The following TMEM170B variants were observed in gnomAD, a reference collection of about 807,000 sequenced individuals.
TMEM170B encodes transmembrane protein 170B.
Under a neutral mutation model 13.0 loss-of-function variants are expected in TMEM170B, and 6 were observed. The observed-to-expected ratio is 0.46, with a 90% CI of 0.25 to 0.91. The LOEUF is 0.91. Ranked by LOEUF, TMEM170B falls within the 40% of genes least tolerant of loss-of-function variation. The pLI, the probability that TMEM170B is intolerant of heterozygous loss-of-function variation, is 0.17. For missense variants in TMEM170B, 138 were observed against 165.2 expected (o/e 0.84, Z 0.90); for synonymous variants, 61 against 64.9 (o/e 0.94, Z 0.29).
intron 1 of TMEM170B, among the ~76,000 whole-genome samples, chr6:11,540,611 T>G (rs114384124): frequency 3.9e-5 from 6 of 152,342 alleles, no homozygotes; most frequent in Admixed American, 6.5e-5. Context: ...AAGTCATCCA[T>G]GAGGAATGGA....
chr6:11,559,372 A>AT (rs1759631127), intron 1 of TMEM170B, among the ~76,000 whole-genome samples: 1 of 151,592 alleles, frequency 6.6e-6, no homozygotes, highest in East Asian at 1.9e-4. Flanking sequence ...TAATTTTTTA[A>AT]TTTTTTGTAG....
rs1471885794 is a variant in TMEM170B at position 11,582,303 on chromosome 6, T to C, written c.*6742T>C. 1 of 152,236 alleles carries C rather than the reference T, an allele frequency of 6.6e-6. No homozygotes were observed. The highest frequency in any genetic ancestry group is 6.5e-5 in the Admixed American group (1 of 15,284). 9.4% of individuals were successfully genotyped at this position (152,236 alleles called of 1,614,324 possible). The stretch of plus-strand genomic sequence containing the variant: ...TCACAGGCAGATTTTAAAAGCTAAA[T>C]GAAGCCTTAGTGCCTTGAAAGTTAA... On this transcript the variant is annotated 3_prime_UTR_variant, in exon 3 of 3. Coordinates refer to ENST00000379426, the MANE Select transcript of TMEM170B (RefSeq NM_001100829.3).
chr6:11,541,637 T>C (rs1582136550), intron 1 of TMEM170B, among the ~76,000 whole-genome samples: 1 of 152,246 alleles, frequency 6.6e-6, no homozygotes, highest in East Asian at 1.9e-4. Context: ...TGTAACACTT[T>C]TAATTTCCTT....
At chr6:11,567,115 T>C (rs1031488140) in intron 2 of TMEM170B, among the ~76,000 whole-genome samples, 1 of 152,188 alleles carries the variant, frequency 6.6e-6, no homozygotes, top group African/African-American at 2.4e-5. Context: ...GGGGCAGCCC[T>C]CTCCTGCCCC....
At chr6:11,539,293 G>A (rs758671178) in intron 1 of TMEM170B, among the ~76,000 whole-genome samples, 29 of 152,116 alleles carry the variant, frequency 1.9e-4, no homozygotes, top group Admixed American at 5.2e-4. Flanking sequence ...CTGCTTTTCA[G>A]AGGAAAAAAA....
chr6:11,567,358 T>C (rs1457456451), intron 2 of TMEM170B, among the ~76,000 whole-genome samples: 1 of 152,256 alleles, frequency 6.6e-6, no homozygotes. Flanking sequence ...AGCTCACTGC[T>C]ACCACTGGAT....
intron 1 of TMEM170B, among the ~76,000 whole-genome samples, chr6:11,545,443 C>G (rs1437365440): frequency 6.6e-6 from 1 of 152,046 alleles, no homozygotes; most frequent in Non-Finnish European, 1.5e-5. Context: ...TGCCATGTAA[C>G]TTTCCAGTCA....
At chr6:11,568,434 TA>T (rs1759762290) in intron 2 of TMEM170B, among the ~76,000 whole-genome samples, 2 of 152,102 alleles carry the variant, frequency 1.3e-5, no homozygotes, top group Non-Finnish European at 2.9e-5. Context: ...TATGTGTATA[TA>T]TATATATGTA....
intron 1 of TMEM170B, among the ~76,000 whole-genome samples, chr6:11,555,800 G>A (rs1349255645): frequency 6.6e-6 from 1 of 152,164 alleles, no homozygotes; most frequent in East Asian, 1.9e-4. Flanking sequence ...TCTCAACAGT[G>A]AGTTGTTTTT....
intron 1 of TMEM170B, among the ~76,000 whole-genome samples, chr6:11,555,705 A>T (rs976280276): frequency 1.3e-5 from 2 of 152,212 alleles, no homozygotes; most frequent in African/African-American, 4.8e-5. Context: ...ACTTTAACAT[A>T]TTAACAATAA....
intron 1 of TMEM170B, among the ~76,000 whole-genome samples, chr6:11,559,016 T>C (rs1346685078): frequency 6.6e-6 from 1 of 152,104 alleles, no homozygotes; most frequent in Non-Finnish European, 1.5e-5. Flanking sequence ...TATTTTTGGC[T>C]TCATGGGCCA....
Position 11,575,047 on chromosome 6 carries a change from C to G in TMEM170B, c.269-384C>G, listed in dbSNP as rs1001198377. 6.6e-6 allele frequency among the ~76,000 whole-genome samples: 1 copy of G among 151,998 alleles called. No homozygotes were observed. The highest frequency in any genetic ancestry group is 1.5e-5 in the Non-Finnish European group (1 of 67,958). On this transcript the variant is annotated intron_variant, in intron 2 of 2. Transcript: ENST00000379426. This position sits in a 1 kb window ranked among gnomAD's most constrained non-coding sequence, Gnocchi z 4.1. ...AAATTATGTTATTTTTCTGCATTAT[C>G]ACTTGTAATTATCAGTATGTTATAC...
chr6:11,540,819 G>T (rs189680500), intron 1 of TMEM170B, among the ~76,000 whole-genome samples: 2 of 152,274 alleles, frequency 1.3e-5, no homozygotes, highest in African/African-American at 2.4e-5. Context: ...AATAAGACTA[G>T]AAAGTCAAAA....
intron 1 of TMEM170B, among the ~76,000 whole-genome samples, chr6:11,546,634 T>C (rs982268065): frequency 3.9e-5 from 6 of 152,172 alleles, no homozygotes; most frequent in African/African-American, 1.2e-4. Flanking sequence ...CTGAACTTTT[T>C]TATGTTTAGA....
chr6:11,565,323 T>A (rs116569593), intron 1 of TMEM170B, among the ~76,000 whole-genome samples: 221 of 152,294 alleles, frequency 1.5e-3, no homozygotes, highest in Non-Finnish European at 1.0e-3. Context: ...AATAAAAAAT[T>A]CTATTTCAAA....
intron 1 of TMEM170B, among the ~76,000 whole-genome samples, chr6:11,560,407 C>T (rs1347414137): frequency 2.0e-5 from 3 of 150,388 alleles, no homozygotes; most frequent in Non-Finnish European, 4.4e-5. Flanking sequence ...CTCCTGACCT[C>T]ATGATCCACC....
At chr6:11,550,590 A>G (rs551924324) in intron 1 of TMEM170B, among the ~76,000 whole-genome samples, 1 of 152,310 alleles carries the variant, frequency 6.6e-6, no homozygotes, top group African/African-American at 2.4e-5. Flanking sequence ...TCCTTCTTAG[A>G]AATTTTACTT....
chr6:11,569,859 C>A (rs764677508), intron 2 of TMEM170B, among the ~76,000 whole-genome samples: 1 of 151,764 alleles, frequency 6.6e-6, no homozygotes, highest in Non-Finnish European at 1.5e-5. Flanking sequence ...GAACTCTATT[C>A]TGATTCATTG....
chr6:11,569,943 T>C (rs772063654), intron 2 of TMEM170B, among the ~76,000 whole-genome samples: 1 of 152,132 alleles, frequency 6.6e-6, no homozygotes, highest in African/African-American at 2.4e-5. Context: ...TATCTTAATA[T>C]CTGTCAGGAA....
Sources: gnomAD v4.1 joint callset for allele counts (sites outside exome capture counted in the v4.1 genomes callset) on GRCh38, gnomAD v4.1.1 for gene constraint, Gnocchi (gnomAD v3.1) non-coding constraint, MANE v1.5 for transcripts, NCBI Gene and HGNC (gene_info 2026-07-23, HGNC 2026-07-21) for gene names.